SYN3: variants seen among roughly 807,000 people sequenced by gnomAD.
The protein encoded by SYN3 is synapsin-3.
Under a neutral mutation model 65.8 loss-of-function variants are expected in SYN3, and 35 were observed. The observed-to-expected ratio is 0.53, with a 90% CI of 0.41 to 0.70. The LOEUF (loss-of-function observed/expected upper bound fraction) is 0.70. Among genes scored for constraint, SYN3 ranks in the 30% least tolerant of loss-of-function variants. SYN3 has a pLI of 0.00. For missense variants in SYN3, 680 were observed against 749.0 expected, an observed-to-expected ratio of 0.91 and a Z score of 1.08; for synonymous variants, 270 against 292.9, an observed-to-expected ratio of 0.92 and a Z score of 0.80.
At chr22:32,622,725 CAAA>C (rs777908921) in intron 6 of SYN3, among the ~76,000 whole-genome samples, 7 of 78,178 alleles carry the variant, frequency 9.0e-5, no homozygotes, top group Admixed American at 1.5e-4. Context: ...AAATCGGATG[CAAA>C]AAAAAAAAAA....
chr22:32,616,071 A>AG (rs2059515709), intron 6 of SYN3, among the ~76,000 whole-genome samples: 1 of 152,216 alleles, frequency 6.6e-6, no homozygotes, highest in Non-Finnish European at 1.5e-5. Flanking sequence ...GTTCCCTGCA[A>AG]GCTGCGAGGA....
chr22:32,842,885 G>T (rs2047953736), intron 6 of SYN3, among the ~76,000 whole-genome samples: 2 of 152,200 alleles, frequency 1.3e-5, no homozygotes, highest in African/African-American at 2.4e-5. Context: ...GATTGGGAAG[G>T]GTGGTGGGTG....
chr22:32,543,479 G>A (rs933292381), intron 7 of SYN3, among the ~76,000 whole-genome samples: 2 of 152,132 alleles, frequency 1.3e-5, no homozygotes, highest in African/African-American at 4.8e-5. Flanking sequence ...TTGGCTCTCT[G>A]AGTGATGACT....
intron 4 of SYN3, among the ~76,000 whole-genome samples, chr22:32,925,396 T>C (rs553435913): frequency 6.6e-6 from 1 of 152,366 alleles, no homozygotes; most frequent in East Asian, 1.9e-4. Context: ...TGAGACTTCA[T>C]CTTTTTCCAG....
chr22:32,967,579 T>C (rs893464197), intron 3 of SYN3, among the ~76,000 whole-genome samples: 2 of 152,236 alleles, frequency 1.3e-5, no homozygotes, highest in African/African-American at 4.8e-5. Context: ...GTTTCCAGTT[T>C]AGCATAACAG....
chr22:32,730,941 C>T (rs967269091), intron 6 of SYN3, among the ~76,000 whole-genome samples: 17 of 152,172 alleles, frequency 1.1e-4, no homozygotes, highest in East Asian at 3.9e-4. Context: ...TCACCACAAA[C>T]ATCACTTTCC....
chr22:32,952,497 G>GT (rs373620953), intron 3 of SYN3, among the ~76,000 whole-genome samples: 25 of 152,176 alleles, frequency 1.6e-4, no homozygotes, highest in African/African-American at 5.3e-4. Flanking sequence ...GCTCACACGT[G>GT]TAACTTCAGC....
intron 1 of SYN3, among the ~76,000 whole-genome samples, chr22:33,023,624 G>A (rs923023458): frequency 1.5e-4 from 23 of 152,200 alleles, no homozygotes; most frequent in African/African-American, 5.3e-4. Flanking sequence ...GCTGAGGTGG[G>A]AGGATTGCTT....
At chr22:32,889,365 G>A (rs1422367187) in intron 4 of SYN3, among the ~76,000 whole-genome samples, 2 of 151,848 alleles carry the variant, frequency 1.3e-5, no homozygotes, top group Non-Finnish European at 2.9e-5. Context: ...AAAGCTTCCG[G>A]AATGGGGTAA....
chr22:32,927,634 A>G (rs1015332053), intron 4 of SYN3, among the ~76,000 whole-genome samples: 1 of 152,202 alleles, frequency 6.6e-6, no homozygotes, highest in African/African-American at 2.4e-5. Flanking sequence ...TTAATGTTGT[A>G]TATTTTAATC....
At chr22:32,985,356 T>C (rs2052493028) in intron 2 of SYN3, among the ~76,000 whole-genome samples, 1 of 152,096 alleles carries the variant, frequency 6.6e-6, no homozygotes, top group African/African-American at 2.4e-5. Flanking sequence ...CTTACCCTCT[T>C]GGGGGTTCCA....
At chr22:32,853,292 A>C (rs1057478074) in intron 6 of SYN3, among the ~76,000 whole-genome samples, 1 of 152,216 alleles carries the variant, frequency 6.6e-6, no homozygotes, top group African/African-American at 2.4e-5. Flanking sequence ...TGCTGTATAG[A>C]GAAAGATCAT....
chr22:32,969,400 A>G (rs1288310938), intron 3 of SYN3, among the ~76,000 whole-genome samples: 3 of 152,244 alleles, frequency 2.0e-5, no homozygotes, highest in African/African-American at 7.2e-5. Flanking sequence ...TTTGGCTATC[A>G]GCTATGGTTC....
Position 33,046,289 on chromosome 22 carries a change from T to G in SYN3, c.-163+12003A>C, listed in dbSNP as rs112459790. On this transcript the variant is annotated intron_variant, in intron 1 of 13. Transcript: ENST00000358763. The stretch of plus-strand genomic sequence containing the variant: ...TAGAAATTAGTTTGGAAGTTTCTTA[T>G]AAAGTTAAATGTAAACTTAGCACAT... 6.0e-4 allele frequency among the ~76,000 whole-genome samples: 92 copies of G among 152,346 alleles called. 1 individual carries two copies. In the Middle Eastern group the frequency reaches 0.014, roughly 23 times the overall value.
At chr22:32,797,885 T>C (rs1266655244) in intron 6 of SYN3, among the ~76,000 whole-genome samples, 2 of 152,232 alleles carry the variant, frequency 1.3e-5, no homozygotes, top group African/African-American at 4.8e-5. Flanking sequence ...TGGATACCAC[T>C]GAGTTCTATC....
intron 4 of SYN3, among the ~76,000 whole-genome samples, chr22:32,891,776 C>G (rs1395281762): frequency 6.6e-6 from 1 of 152,070 alleles, no homozygotes; most frequent in Non-Finnish European, 1.5e-5. Context: ...ATTCAGCCCC[C>G]TTTTCCTGTC....
At chr22:32,919,766 T>C (rs1209008514) in intron 4 of SYN3, among the ~76,000 whole-genome samples, 1 of 152,236 alleles carries the variant, frequency 6.6e-6, no homozygotes, top group African/African-American at 2.4e-5. Flanking sequence ...AGTCCCAGGA[T>C]AGAGATTCAG....
chr22:32,849,449 C>A (rs1050956219), intron 6 of SYN3: 9 of 1,613,250 alleles, frequency 5.6e-6, no homozygotes, highest in Non-Finnish European at 7.6e-6. Flanking sequence ...TCTGTCTCTG[C>A]AGTGATCCGG....
chr22:32,886,283 T>G (rs1262977417), intron 4 of SYN3, among the ~76,000 whole-genome samples: 1 of 152,200 alleles, frequency 6.6e-6, no homozygotes, highest in African/African-American at 2.4e-5. Context: ...CTCAGTCACT[T>G]CTGCGAGGTC....
Sources: gnomAD v4.1 joint callset for allele counts (sites outside exome capture counted in the v4.1 genomes callset) on GRCh38, gnomAD v4.1.1 for gene constraint, MANE v1.5 for transcripts, NCBI Gene and HGNC (gene_info 2026-07-23, HGNC 2026-07-21) for gene names.